Variants in TUSC3 observed in about 807,000 individuals in gnomAD.
TUSC3 encodes the protein tumor suppressor candidate 3, also known as dolichyl-diphosphooligosaccharide--protein glycosyltransferase subunit TUSC3.
In TUSC3, 45 loss-of-function variants were observed where a neutral mutation model predicts 44.8. The observed-to-expected ratio is 1.00, with a 90% CI of 0.79 to 1.29. The LOEUF (loss-of-function observed/expected upper bound fraction) is 1.29. Ranked by LOEUF, TUSC3 falls within the 50% of genes most tolerant of loss-of-function variation. The probability of loss-of-function intolerance (pLI) is 0.00; values close to 1 mark genes in which losing one functional copy is unlikely to be tolerated. For synonymous variants in TUSC3, 212 were observed against 152.9 expected, an observed-to-expected ratio of 1.39 and a Z score of -2.85; for missense variants, 519 against 437.9, an observed-to-expected ratio of 1.19 and a Z score of -1.65.
chr8:15,771,864 G>A, the TUSC3 span, among the ~76,000 whole-genome samples: 2,888 of 152,110 alleles, frequency 0.019, 88 homozygotes, highest in African/African-American at 0.065. Flanking sequence ...CGAGACAGGC[G>A]GATCACAAGG....
chr8:15,774,237 C>T, the TUSC3 span, among the ~76,000 whole-genome samples: 1 of 124,678 alleles, frequency 8.0e-6, no homozygotes, highest in African/African-American at 2.8e-5. Context: ...CAAATTTTGT[C>T]TCCTCAAAAA....
At chr8:15,783,271 C>A in the TUSC3 span, among the ~76,000 whole-genome samples, 2 of 152,304 alleles carry the variant, frequency 1.3e-5, no homozygotes, top group South Asian at 2.1e-4. Flanking sequence ...AATGTTCATA[C>A]TGTCCAAAGT....
At position 15,765,277 on chromosome 8, in the gene TUSC3, G is replaced by C. The variant is rs1185262630; in HGVS notation, c.*1121G>C. 1 of 151,934 alleles carries C rather than the reference G, an allele frequency of 6.6e-6. No individual in the cohort carries two copies. Among genetic ancestry groups the C allele is most frequent in the African/African-American group, 2.4e-5 (1 of 41,400 alleles). 9.4% of individuals were successfully genotyped at this position (151,934 alleles called of 1,614,324 possible). On this transcript the variant is annotated 3_prime_UTR_variant, in exon 11 of 11. Coordinates refer to ENST00000503731, the MANE Select transcript of TUSC3 (RefSeq NM_006765.4). ...ACCAGGCCTTCAAACTCTCAAACAT[G>C]GATTTTTATATTCTGTGGAGTTATC...
intron 6 of TUSC3, among the ~76,000 whole-genome samples, chr8:15,711,463 C>CGTGTGTGTGTGTGTGTGT (rs36058270): frequency 6.9e-6 from 1 of 144,908 alleles, no homozygotes; most frequent in African/African-American, 2.5e-5. Context: ...CAAAAAGGTA[C>CGTGTGTGTGTGTGTGTGT]GTGTGTGTGT....
At chr8:15,566,627 GT>G (rs759088962) in intron 1 of TUSC3, among the ~76,000 whole-genome samples, 9 of 147,986 alleles carry the variant, frequency 6.1e-5, no homozygotes, top group South Asian at 2.2e-4. Flanking sequence ...TGTTGTTGTT[GT>G]TTTTTTTTTG....
the TUSC3 span, among the ~76,000 whole-genome samples, chr8:15,793,505 G>A: frequency 6.6e-6 from 1 of 151,954 alleles, no homozygotes; most frequent in African/African-American, 2.4e-5. Flanking sequence ...TTCCCATGTT[G>A]CTTGTGTGAT....
chr8:15,792,184 T>C, the TUSC3 span, among the ~76,000 whole-genome samples: 25,316 of 145,212 alleles, frequency 0.17, 2,155 homozygotes, highest in South Asian at 0.25. Flanking sequence ...ATTTATTTAA[T>C]ATTATTGAAC....
In TUSC3 at chr8:15,644,757, G is replaced by A. The variant is rs147372585; in HGVS notation, c.309-5940G>A. Reference sequence around the variant, plus strand: ...ATTAATATTAAAATACGTATTCCTCGGGCTCATTTATTTATTTTTAATGAT... The same window carrying A: ...ATTAATATTAAAATACGTATTCCTCAGGCTCATTTATTTATTTTTAATGAT... On this transcript the variant is annotated intron_variant, in intron 2 of 10. Coordinates refer to ENST00000503731, the MANE Select transcript of TUSC3 (RefSeq NM_006765.4). Among the ~76,000 whole-genome samples the A allele has an allele frequency of 2.7e-3, 410 of 151,602 alleles. 2 individuals carry two copies. The highest frequency in any genetic ancestry group is 9.5e-3 in the African/African-American group (394 of 41,292).
At chr8:15,730,467 C>T (rs530414640) in intron 6 of TUSC3, among the ~76,000 whole-genome samples, 199 bp from the exon 7 acceptor site, 96 of 152,176 alleles carry the variant, frequency 6.3e-4, no homozygotes, top group African/African-American at 2.3e-3. Flanking sequence ...CTAGAGTTTA[C>T]AATAGTATCA....
At chr8:15,462,369 C>G (rs1227802209) in intron 1 of TUSC3, among the ~76,000 whole-genome samples, 1 of 151,962 alleles carries the variant, frequency 6.6e-6, no homozygotes, top group African/African-American at 2.4e-5. Context: ...AGACATTTCT[C>G]CAAAGAATAT....
intron 1 of TUSC3, among the ~76,000 whole-genome samples, chr8:15,586,514 C>T (rs1033981231): frequency 1.3e-5 from 2 of 152,044 alleles, no homozygotes; most frequent in Non-Finnish European, 2.9e-5. Flanking sequence ...AATTGGTTTC[C>T]TGGAACACAA....
the TUSC3 span, among the ~76,000 whole-genome samples, chr8:15,774,347 T>C: frequency 6.6e-6 from 1 of 152,092 alleles, no homozygotes; most frequent in African/African-American, 2.4e-5. Flanking sequence ...CATACTGGAA[T>C]AAGAATGCTC....
chr8:15,509,572 C>A (rs537878874), intron 2 of TUSC3, among the ~76,000 whole-genome samples: 172 of 152,034 alleles, frequency 1.1e-3, no homozygotes, highest in Non-Finnish European at 1.6e-3. Flanking sequence ...TGTGCCACTG[C>A]ACTCAAACCT....
intron 7 of TUSC3, among the ~76,000 whole-genome samples, chr8:15,742,458 AATTT>A (rs898260632): frequency 8.5e-5 from 13 of 152,204 alleles, no homozygotes; most frequent in African/African-American, 3.1e-4. Context: ...TGAACATTAT[AATTT>A]ATTACTAATT....
chr8:15,519,784 T>A (rs956627003), intron 2 of TUSC3, among the ~76,000 whole-genome samples: 1 of 152,178 alleles, frequency 6.6e-6, no homozygotes, highest in South Asian at 2.1e-4. Context: ...TGTAGAAAGG[T>A]CTATATTTAC....
chr8:15,650,964 G>A, intron 3 of TUSC3, 150 bp downstream of exon 3: 2 of 691,772 alleles, frequency 2.9e-6, no homozygotes, highest in East Asian at 2.8e-5. Context: ...CATTCCAGGT[G>A]GAGGACAGAG....
chr8:15,803,026 A>C, the TUSC3 span, among the ~76,000 whole-genome samples: 1 of 152,332 alleles, frequency 6.6e-6, no homozygotes, highest in South Asian at 2.1e-4. Context: ...ATTGGCTCAA[A>C]GAAGACAGAG....
chr8:15,493,419 T>C (rs1312975084), intron 2 of TUSC3, among the ~76,000 whole-genome samples: 1 of 152,060 alleles, frequency 6.6e-6, no homozygotes, highest in African/African-American at 2.4e-5. Flanking sequence ...TGCCCCATCA[T>C]GCCTGGCTAC....
At chr8:15,431,895 C>T (rs1799877760) in intron 1 of TUSC3, among the ~76,000 whole-genome samples, 1 of 61,262 alleles carries the variant, frequency 1.6e-5, no homozygotes. Context: ...GTTCAAATGC[C>T]ATTTCTGTGT....
Sources: allele counts gnomAD v4.1 joint callset (sites outside exome capture counted in the v4.1 genomes callset), GRCh38; gene constraint gnomAD v4.1.1; transcripts MANE v1.5; gene names NCBI Gene and HGNC (gene_info 2026-07-23, HGNC 2026-07-21).